DPH6: variants seen among roughly 807,000 people sequenced by gnomAD.
DPH6 encodes diphthine--ammonia ligase.
Under a neutral mutation model 38.2 loss-of-function variants are expected in DPH6, and 33 were observed. That is an observed-to-expected ratio of 0.86 (90% CI 0.65 to 1.15). The LOEUF (loss-of-function observed/expected upper bound fraction) is 1.15. Ranked by LOEUF, DPH6 falls within the 50% of genes most tolerant of loss-of-function variation. The probability of loss-of-function intolerance (pLI) is 0.00; values close to 1 mark genes in which losing one functional copy is unlikely to be tolerated. For synonymous variants in DPH6, 108 were observed against 103.0 expected (o/e 1.05, Z -0.30); for missense variants, 325 against 320.0 (o/e 1.02, Z -0.12).
At chr15:35,403,837 T>TG (rs2053254397) in intron 6 of DPH6, among the ~76,000 whole-genome samples, 1 of 151,376 alleles carries the variant, frequency 6.6e-6, no homozygotes, top group African/African-American at 2.4e-5. Flanking sequence ...TTTTTTTTTT[T>TG]GTACCCATTA....
At chr15:35,324,576 T>G (rs1283636449) in intron 3 of DPH6, among the ~76,000 whole-genome samples, 1 of 152,168 alleles carries the variant, frequency 6.6e-6, no homozygotes, top group Non-Finnish European at 1.5e-5. Context: ...GCTCTTATAT[T>G]TGGAGCCTGC....
At chr15:35,364,230 T>C (rs1414956769) in intron 3 of DPH6, among the ~76,000 whole-genome samples, 2 of 152,016 alleles carry the variant, frequency 1.3e-5, no homozygotes, top group Admixed American at 6.6e-5. Context: ...TTTATATATA[T>C]GTGGAAAAGC....
rs1357687032 is a variant in DPH6 at position 35,546,158 on chromosome 15, G to T, written c.-17C>A. The T allele has an allele frequency of 3.7e-6, 5 of 1,364,426 alleles. No individual in the cohort carries two copies. Among genetic ancestry groups the T allele is most frequent in the Non-Finnish European group, 4.8e-6 (5 of 1,045,816 alleles). 84.5% of individuals were successfully genotyped at this position (1,364,426 alleles called of 1,614,324 possible). A position where few individuals can be genotyped will look rare whatever the true frequency, so the allele number is the denominator to read the frequency against. ...GACCCTCATGCTGGGCGCAGTGCGC[G>T]TGCGTGCGGCGAGCGCGGGCGGGAG... On this transcript the variant is annotated 5_prime_UTR_variant, in exon 1 of 9. Transcript: ENST00000256538.
At chr15:35,434,860 G>A (rs1318608339) in intron 5 of DPH6, among the ~76,000 whole-genome samples, 2 of 152,022 alleles carry the variant, frequency 1.3e-5, no homozygotes, top group African/African-American at 4.8e-5. Flanking sequence ...TGCAACCTCC[G>A]GCTCCCAGGC....
chr15:35,337,094 T>C (rs527684104), intron 3 of DPH6, among the ~76,000 whole-genome samples: 1 of 152,300 alleles, frequency 6.6e-6, no homozygotes, highest in South Asian at 2.1e-4. Flanking sequence ...TTTTGGTTGG[T>C]AAGCTATTGA....
chr15:35,179,455 T>G, the DPH6 span, among the ~76,000 whole-genome samples: 1 of 152,102 alleles, frequency 6.6e-6, no homozygotes, highest in African/African-American at 2.4e-5. Flanking sequence ...TACAGTATAT[T>G]CCATAATAAA....
At chr15:35,281,864 G>C (rs887602085) in intron 3 of DPH6, among the ~76,000 whole-genome samples, 7 of 152,188 alleles carry the variant, frequency 4.6e-5, no homozygotes, top group Non-Finnish European at 1.0e-4. Context: ...CCCTGGTCAA[G>C]ACATCTTCCC....
At chr15:35,398,837 T>C (rs576987718) in intron 6 of DPH6, among the ~76,000 whole-genome samples, 3 of 152,238 alleles carry the variant, frequency 2.0e-5, no homozygotes, top group East Asian at 3.9e-4. Context: ...CAGAATTAAA[T>C]TGAATAGTAA....
At chr15:35,425,020 G>T (rs1194736731) in intron 5 of DPH6, among the ~76,000 whole-genome samples, 1 of 151,624 alleles carries the variant, frequency 6.6e-6, no homozygotes, top group African/African-American at 2.4e-5. Flanking sequence ...AAATTAAACT[G>T]AATGTGACCT....
the DPH6 span, among the ~76,000 whole-genome samples, chr15:35,145,214 T>C: frequency 6.6e-6 from 1 of 152,242 alleles, no homozygotes; most frequent in African/African-American, 2.4e-5. Flanking sequence ...AACCTCTTTT[T>C]ACATTACGAT....
the DPH6 span, among the ~76,000 whole-genome samples, chr15:35,153,443 T>G: frequency 1.3e-5 from 2 of 152,200 alleles, no homozygotes; most frequent in East Asian, 3.9e-4. Flanking sequence ...AAAGAAAAAA[T>G]GCATAGGTGG....
intron 1 of DPH6, among the ~76,000 whole-genome samples, chr15:35,545,669 G>A (rs1345429266): frequency 6.6e-6 from 1 of 152,104 alleles, no homozygotes; most frequent in African/African-American, 2.4e-5. Flanking sequence ...AGGAACTACA[G>A]AAGAGGACGA....
At chr15:35,427,401 T>C (rs1010300021) in intron 5 of DPH6, among the ~76,000 whole-genome samples, 14 of 151,994 alleles carry the variant, frequency 9.2e-5, no homozygotes, top group African/African-American at 3.4e-4. Flanking sequence ...GGATATGCAA[T>C]GTATTTGGAA....
At chr15:35,353,422 G>T (rs985379832) in intron 3 of DPH6, among the ~76,000 whole-genome samples, 28 of 152,174 alleles carry the variant, frequency 1.8e-4, no homozygotes, top group African/African-American at 6.5e-4. Context: ...AGTCTAACAT[G>T]TAAGTCTTTA....
At chr15:35,377,710 A>T (rs1383435805) in intron 7 of DPH6, among the ~76,000 whole-genome samples, 2 of 152,188 alleles carry the variant, frequency 1.3e-5, no homozygotes, top group Non-Finnish European at 2.9e-5. Flanking sequence ...CGAAAAGTGA[A>T]TTGTAAACTG....
At chr15:35,324,344 A>G (rs1451757084) in intron 3 of DPH6, among the ~76,000 whole-genome samples, 1 of 152,204 alleles carries the variant, frequency 6.6e-6, no homozygotes, top group Non-Finnish European at 1.5e-5. Context: ...TGCTAACTGG[A>G]GAAGCAGGAG....
chr15:35,277,500 T>C (rs1170508820), intron 3 of DPH6, among the ~76,000 whole-genome samples: 2 of 151,934 alleles, frequency 1.3e-5, no homozygotes, highest in Non-Finnish European at 2.9e-5. Context: ...GTACCAGGAG[T>C]GGGGTATTAT....
At chr15:35,395,966 C>A (rs2053126405) in intron 6 of DPH6, among the ~76,000 whole-genome samples, 1 of 152,138 alleles carries the variant, frequency 6.6e-6, no homozygotes, top group African/African-American at 2.4e-5. Context: ...ACTAACAGTT[C>A]ATCTACAACA....
At chr15:35,525,019 T>G (rs1353545660) in intron 3 of DPH6, among the ~76,000 whole-genome samples, 1 of 152,186 alleles carries the variant, frequency 6.6e-6, no homozygotes, top group African/African-American at 2.4e-5. Flanking sequence ...ATACTTCTTA[T>G]GGACAGGGCA....
Sources: allele counts gnomAD v4.1 joint callset (sites outside exome capture counted in the v4.1 genomes callset), GRCh38; gene constraint gnomAD v4.1.1; transcripts MANE v1.5; gene names NCBI Gene and HGNC (gene_info 2026-07-23, HGNC 2026-07-21).